The following NHS variants were observed in gnomAD, a reference collection of about 807,000 sequenced individuals.
The protein encoded by NHS is actin remodeling regulator NHS.
NHS carries 5 observed loss-of-function variants against 72.5 expected under a neutral mutation model. The ratio of observed to expected loss-of-function variants is 0.07; its 90% CI spans 0.04 to 0.14. The LOEUF (loss-of-function observed/expected upper bound fraction) is 0.14, where lower values mean the gene tolerates loss of function less well. Among genes scored for constraint, NHS ranks in the 10% least tolerant of loss-of-function variants. NHS has a pLI of 1.00. For synonymous variants in NHS, 464 were observed against 547.7 expected (o/e 0.85, Z 2.13); for missense variants, 1,072 against 1,355.7 (o/e 0.79, Z 3.29).
At chrX:17,537,006 T>C (rs1392221807) in intron 1 of NHS, among the ~76,000 whole-genome samples, 1 of 112,278 alleles carries the variant, frequency 8.9e-6, no homozygotes, top group Non-Finnish European at 1.9e-5. Context: ...TAAATTGAAA[T>C]ATGAGTCATG....
chrX:17,569,113 C>T (rs778358059), intron 1 of NHS, among the ~76,000 whole-genome samples: 247 of 111,697 alleles, frequency 2.2e-3, no homozygotes, highest in African/African-American at 7.4e-3. Flanking sequence ...GTGAATAGTG[C>T]TGCAATAAAC....
chrX:17,501,302 G>A (rs185172464), intron 1 of NHS, among the ~76,000 whole-genome samples: 29 of 107,845 alleles, frequency 2.7e-4, no homozygotes, highest in African/African-American at 8.2e-4. Flanking sequence ...GCAGTGAGCC[G>A]TCATTGTACC....
In NHS at chrX:17,726,653, G is replaced by A. The variant is rs781782408; in HGVS notation, c.2547G>A (p.Pro849=). 54 of 1,209,956 alleles carry A rather than the reference G, an allele frequency of 4.5e-5. No individual in the cohort carries two copies. Among genetic ancestry groups the A allele is most frequent in the East Asian group, 2.1e-4 (7 of 33,754 alleles). The change falls in exon 7 of 9, where the codon CCG becomes CCA. Residue 849 remains proline (P), a synonymous_variant. Transcript: ENST00000676302. ...SISFRKPKAK[P]TPPKRSSSLR... Reference sequence around the variant, plus strand: ...CTTTCAGGAAACCAAAGGCAAAGCCGACCCCACCTAAACGTAGCTCATCAT... The same window carrying A: ...CTTTCAGGAAACCAAAGGCAAAGCCAACCCCACCTAAACGTAGCTCATCAT...
chrX:17,550,803 G>T (rs1233172757), intron 1 of NHS, among the ~76,000 whole-genome samples: 2 of 111,846 alleles, frequency 1.8e-5, no homozygotes, highest in East Asian at 5.6e-4. Flanking sequence ...ACCATTCAAA[G>T]GTTGCCGACT....
intron 1 of NHS, among the ~76,000 whole-genome samples, chrX:17,590,930 C>CT (rs2065600242): frequency 8.9e-6 from 1 of 111,862 alleles, no homozygotes; most frequent in African/African-American, 3.3e-5. Context: ...CTTCTTTATA[C>CT]TAGTTTATAT....
At chrX:17,463,027 G>A (rs2064854884) in intron 1 of NHS, among the ~76,000 whole-genome samples, 1 of 112,094 alleles carries the variant, frequency 8.9e-6, no homozygotes, top group South Asian at 3.7e-4. Flanking sequence ...ACTCCAAGGG[G>A]TACCAGTAGC....
At chrX:17,617,352 A>G (rs1276257593) in intron 1 of NHS, among the ~76,000 whole-genome samples, 1 of 112,542 alleles carries the variant, frequency 8.9e-6, no homozygotes, top group Non-Finnish European at 1.9e-5. Flanking sequence ...TTAGATGCTC[A>G]TGGCTTTGAT....
Position 17,727,011 on chromosome X carries a change from G to C in NHS, c.2905G>C (p.Ala969Pro). The change falls in exon 7 of 9, where the codon GCT becomes CCT. Residue 969 changes from alanine (A) to proline (P), a missense_variant. By Grantham distance (27) the Ala-to-Pro change is conservative. Transcript: ENST00000676302. ...TAGATCTCTATCTAATTCAAGCACC[G>C]CTACGGGTACCACAGTCATTGAATG... ...PYRSLSNSST[A>P]TGTTVIECIK... 1 of 1,211,587 alleles carries C rather than the reference G, an allele frequency of 8.3e-7. No individual in the cohort carries two copies. Among genetic ancestry groups the C allele is most frequent in the Non-Finnish European group, 1.1e-6 (1 of 895,401 alleles).
At chrX:17,709,420 C>G (rs1241604152) in intron 3 of NHS, among the ~76,000 whole-genome samples, 3 of 111,367 alleles carry the variant, frequency 2.7e-5, no homozygotes, top group Non-Finnish European at 5.6e-5. Context: ...TGATTGGACT[C>G]AGAACAGGAA....
intron 1 of NHS, among the ~76,000 whole-genome samples, chrX:17,621,573 GTAAA>G (rs202178280): frequency 0.01 from 1,126 of 111,794 alleles, 4 homozygotes; most frequent in Non-Finnish European, 0.016. Flanking sequence ...CCTCAAGATG[GTAAA>G]TAGTCATTTC....
At chrX:17,687,511 C>T (rs894438729) in intron 1 of NHS, 22 of 450,137 alleles carry the variant, frequency 4.9e-5, no homozygotes, top group African/African-American at 9.6e-5. Flanking sequence ...CATAGGTAGA[C>T]GGTTGGTGTC....
chrX:17,420,689 T>A (rs1434857039), intron 1 of NHS, among the ~76,000 whole-genome samples: 1 of 112,155 alleles, frequency 8.9e-6, no homozygotes, highest in Non-Finnish European at 1.9e-5. Context: ...GGCAAAGTAG[T>A]TCCTGTCTTC....
chrX:17,484,678 A>G (rs1207450767), intron 1 of NHS, among the ~76,000 whole-genome samples: 1 of 16,695 alleles, frequency 6.0e-5, no homozygotes, highest in Non-Finnish European at 1.5e-4. Context: ...AAGGACATCT[A>G]TGCCTTAGTT....
At chrX:17,452,363 A>G (rs1021432099) in intron 1 of NHS, among the ~76,000 whole-genome samples, 4 of 111,827 alleles carry the variant, frequency 3.6e-5, no homozygotes, top group African/African-American at 1.3e-4. Flanking sequence ...GTAGATAGGA[A>G]GTGGAGGCTT....
chrX:17,487,261 C>T (rs1446081070), intron 1 of NHS, among the ~76,000 whole-genome samples: 1 of 112,146 alleles, frequency 8.9e-6, no homozygotes, highest in African/African-American at 3.2e-5. Context: ...ACTGAGCCAA[C>T]ATGGAGTCCC....
chrX:17,616,576 G>A (rs1468617944), intron 1 of NHS, among the ~76,000 whole-genome samples: 3 of 112,312 alleles, frequency 2.7e-5, no homozygotes, highest in Non-Finnish European at 5.6e-5. Flanking sequence ...AATTATTAAT[G>A]CGATGTTTCA....
At chrX:17,464,955 A>G (rs1316239286) in intron 1 of NHS, among the ~76,000 whole-genome samples, 15 of 112,223 alleles carry the variant, frequency 1.3e-4, no homozygotes, top group Non-Finnish European at 1.9e-5. Context: ...GGCGGGCATG[A>G]TCTCTGATGC....
At chrX:17,537,455 C>G (rs750235525) in intron 1 of NHS, among the ~76,000 whole-genome samples, 11 of 112,810 alleles carry the variant, frequency 9.8e-5, no homozygotes, top group South Asian at 3.7e-4. Flanking sequence ...TGCTTCCTAG[C>G]CTGCCCCAGG....
Position 17,376,337 on chromosome X carries a change from C to A in NHS, c.565+15C>A. 8.8e-7 allele frequency: 1 copy of A among 1,138,399 alleles called. No homozygotes were observed. Among genetic ancestry groups the A allele is most frequent in the Non-Finnish European group, 1.2e-6 (1 of 858,222 alleles). 93.8% of individuals were successfully genotyped at this position (1,138,399 alleles called of 1,213,427 possible). The stretch of plus-strand genomic sequence containing the variant: ...GGAGGCAGTGCGTGAGTACCCGCGC[C>A]GTCCGCCCGCCAGGCTATGGGTTTC... On this transcript the variant is annotated intron_variant, in intron 1 of 8. Coordinates refer to ENST00000676302, the MANE Select transcript of NHS (RefSeq NM_001291867.2).
Sources: gnomAD v4.1 joint callset for allele counts (sites outside exome capture counted in the v4.1 genomes callset) on GRCh38, gnomAD v4.1.1 for gene constraint, MANE v1.5 for transcripts, NCBI Gene and HGNC (gene_info 2026-07-23, HGNC 2026-07-21) for gene names.